The following ADAMTS20 variants were observed in gnomAD, a reference collection of about 807,000 sequenced individuals.
ADAMTS20 encodes ADAM metallopeptidase with thrombospondin type 1 motif 20, also known as A disintegrin and metalloproteinase with thrombospondin motifs 20.
Under a neutral mutation model 260.1 loss-of-function variants are expected in ADAMTS20, and 225 were observed. The observed-to-expected ratio is 0.87, with a 90% CI of 0.78 to 0.97. ADAMTS20 has a LOEUF of 0.97. Ranked by LOEUF, ADAMTS20 falls within the 50% of genes least tolerant of loss-of-function variation. The probability of loss-of-function intolerance (pLI) is 0.00; values close to 1 mark genes in which losing one functional copy is unlikely to be tolerated. For missense variants in ADAMTS20, 2,400 were observed against 2,337.7 expected (o/e 1.03, Z -0.55); for synonymous variants, 802 against 769.5 (o/e 1.04, Z -0.70).
At chr12:43,430,983 T>C (rs1242784035) in intron 22 of ADAMTS20, among the ~76,000 whole-genome samples, 3 of 152,238 alleles carry the variant, frequency 2.0e-5, no homozygotes, top group Non-Finnish European at 4.4e-5. Flanking sequence ...TAGCTGCCTG[T>C]TCAGCAAAAC....
chr12:43,378,186 G>C (rs1449915355), intron 31 of ADAMTS20, among the ~76,000 whole-genome samples: 1 of 152,152 alleles, frequency 6.6e-6, no homozygotes, highest in Non-Finnish European at 1.5e-5. Context: ...CTCAACATTG[G>C]ACAGTAAAGA....
chr12:43,436,294 G>C (rs1326100402), intron 18 of ADAMTS20, among the ~76,000 whole-genome samples: 1 of 152,066 alleles, frequency 6.6e-6, no homozygotes, highest in East Asian at 1.9e-4. Flanking sequence ...GTGAGGGGTA[G>C]GCCTGAAATA....
chr12:43,367,809 T>C (rs1324877684), intron 37 of ADAMTS20, among the ~76,000 whole-genome samples: 2 of 152,050 alleles, frequency 1.3e-5, no homozygotes, highest in Non-Finnish European at 2.9e-5. Context: ...CTGTTACAAC[T>C]AATAAATGAG....
rs1046900888 is a variant in ADAMTS20 at position 43,379,120 on chromosome 12, T to C, written c.4798-1558A>G. Among the ~76,000 whole-genome samples the C allele has an allele frequency of 5.9e-5, 9 of 152,160 alleles. No homozygotes were observed. In the East Asian group the frequency reaches 1.5e-3, roughly 26 times the overall value. On this transcript the variant is annotated intron_variant, in intron 31 of 38. Coordinates refer to ENST00000389420, the MANE Select transcript of ADAMTS20 (RefSeq NM_025003.5). ...CATTCAAAGCCTCATTCCCAGAGAA[T>C]TGTCATTATTTGAACTGTTTAGTGG...
chr12:43,428,916 T>A, intron 24 of ADAMTS20, 117 bp from the exon 25 acceptor site: 1 of 904,272 alleles, frequency 1.1e-6, no homozygotes, highest in Non-Finnish European at 1.6e-6. Context: ...AATTTTAAAT[T>A]ATTATAGATA....
chr12:43,536,180 G>C (rs1943292298), intron 2 of ADAMTS20, among the ~76,000 whole-genome samples: 1 of 151,974 alleles, frequency 6.6e-6, no homozygotes, highest in African/African-American at 2.4e-5. Flanking sequence ...TTACAGGTGA[G>C]ACAAATGAGG....
At chr12:43,442,920 C>A (rs1270593657) in intron 16 of ADAMTS20, among the ~76,000 whole-genome samples, 1 of 152,170 alleles carries the variant, frequency 6.6e-6, no homozygotes, top group Non-Finnish European at 1.5e-5. Flanking sequence ...CTGTTCACCC[C>A]AGAAGGAAAC....
intron 3 of ADAMTS20, among the ~76,000 whole-genome samples, chr12:43,503,513 T>C (rs1306868350): frequency 1.3e-5 from 2 of 152,156 alleles, no homozygotes; most frequent in Admixed American, 6.5e-5. Flanking sequence ...TTTCCACAGA[T>C]GAATTTTTTT....
At chr12:43,547,691 G>T (rs938352250) in intron 2 of ADAMTS20, among the ~76,000 whole-genome samples, 2 of 148,456 alleles carry the variant, frequency 1.3e-5, no homozygotes, top group African/African-American at 2.6e-5. Context: ...CCTGGAGAAG[G>T]TGATGCAGCA....
intron 3 of ADAMTS20, among the ~76,000 whole-genome samples, chr12:43,503,514 G>T (rs1390315763): frequency 1.3e-5 from 2 of 151,878 alleles, no homozygotes; most frequent in Non-Finnish European, 2.9e-5. Context: ...TTCCACAGAT[G>T]AATTTTTTTT....
In ADAMTS20 at chr12:43,432,473, T is replaced by C. The variant is rs1457613259; in HGVS notation, c.2932-5A>G. The C allele has an allele frequency of 6.3e-7, 1 of 1,579,068 alleles. No homozygotes were observed. The highest frequency in any genetic ancestry group is 1.4e-5 in the African/African-American group (1 of 69,212). ...TCCTCCACAACTCCTGGAACACTGA[T>C]TAAAAAAAAAAAAGTGGTAACTAAT... On this transcript the variant is annotated splice_polypyrimidine_tract_variant and splice_region_variant and intron_variant, in intron 20 of 38. Transcript: ENST00000389420.
intron 27 of ADAMTS20, 144 bp downstream of exon 27, chr12:43,427,164 C>A (rs1941348385): frequency 1.0e-5 from 9 of 864,272 alleles, no homozygotes; most frequent in Non-Finnish European, 1.5e-5. Flanking sequence ...CAGAGTGAGA[C>A]CCTGTCTCCA....
At chr12:43,405,229 CAAAAAAAA>C (rs869040570) in intron 28 of ADAMTS20, among the ~76,000 whole-genome samples, 8 of 52,784 alleles carry the variant, frequency 1.5e-4, no homozygotes, top group East Asian at 4.9e-4. Context: ...CTCATCTCTA[CAAAAAAAA>C]AAAAAAAAAA....
chr12:43,392,317 T>C (rs11182050), intron 29 of ADAMTS20, among the ~76,000 whole-genome samples: 62,308 of 151,816 alleles, frequency 0.41, 14,347 homozygotes, highest in East Asian at 0.89. Context: ...AAAGAATTCC[T>C]GGAAAAAAAT....
Position 43,452,222 on chromosome 12 carries a change from A to C in ADAMTS20, c.2079+52T>G, listed in dbSNP as rs114684627. The C allele has an allele frequency of 7.2e-4, 1,096 of 1,527,240 alleles. 9 individuals are homozygous for C. In the African/African-American group the frequency reaches 0.014, roughly 19 times the overall value. 94.6% of individuals were successfully genotyped at this position (1,527,240 alleles called of 1,614,324 possible). A position where few individuals can be genotyped will look rare whatever the true frequency, so the allele number is the denominator to read the frequency against. ...ATTTGGTTATATAAATCGAAAAAAA[A>C]CATTATTCTTAAAGTCACTTTAAAT... On this transcript the variant is annotated intron_variant, in intron 14 of 38. Transcript: ENST00000389420.
chr12:43,530,399 G>A (rs1489162441), intron 3 of ADAMTS20, among the ~76,000 whole-genome samples: 1 of 152,204 alleles, frequency 6.6e-6, no homozygotes, highest in Middle Eastern at 3.4e-3. Context: ...TGTTTTCTTT[G>A]AAGCCATAAA....
chr12:43,421,665 G>T (rs1017531787), intron 28 of ADAMTS20, among the ~76,000 whole-genome samples: 13 of 151,810 alleles, frequency 8.6e-5, no homozygotes, highest in African/African-American at 3.1e-4. Context: ...AAATAAATTT[G>T]CTTACATCAT....
At chr12:43,488,280 A>G (rs1193215797) in intron 7 of ADAMTS20, among the ~76,000 whole-genome samples, 1 of 152,114 alleles carries the variant, frequency 6.6e-6, no homozygotes, top group Non-Finnish European at 1.5e-5. Flanking sequence ...TATATGGTTA[A>G]CCATCGAGGG....
Position 43,492,559 on chromosome 12 carries a change from T to C in ADAMTS20, c.1022A>G (p.Asn341Ser), listed in dbSNP as rs926366765. ...GGAAGGGTGAACATCATCAAGGTCATTCTGAGTTTGTTGCCATGAACAAAA... is the reference window on the plus strand; with the variant it reads ...GGAAGGGTGAACATCATCAAGGTCACTCTGAGTTTGTTGCCATGAACAAAA... The part of the protein sequence containing the change: ...KNFCSWQQTQ[N>S]DLDDVHPSHH... Residue 341 changes from asparagine to serine, a missense_variant, in exon 6 of 39, where the codon AAT (asparagine) becomes AGT (serine). Transcript: ENST00000389420. 1.3e-5 allele frequency: 21 copies of C among 1,613,830 alleles called. No individual in the cohort carries two copies. The highest frequency in any genetic ancestry group is 1.8e-5 in the Non-Finnish European group (21 of 1,179,828).
Sources: allele counts gnomAD v4.1 joint callset (sites outside exome capture counted in the v4.1 genomes callset), GRCh38; gene constraint gnomAD v4.1.1; transcripts MANE v1.5; gene names NCBI Gene and HGNC (gene_info 2026-07-23, HGNC 2026-07-21).